Variants in GGA1 observed in about 807,000 individuals in gnomAD.
GGA1 encodes ADP-ribosylation factor-binding protein GGA1.
In GGA1, 18 loss-of-function variants were observed where a neutral mutation model predicts 76.9. The observed-to-expected ratio is 0.23, with a 90% CI of 0.16 to 0.35. The LOEUF (loss-of-function observed/expected upper bound fraction) is 0.35. GGA1 is among the 10% of genes least tolerant of loss of function. The pLI, the probability that GGA1 is intolerant of heterozygous loss-of-function variation, is 1.00. For synonymous variants in GGA1, 342 were observed against 354.7 expected, an observed-to-expected ratio of 0.96 and a Z score of 0.40; for missense variants, 755 against 859.0, an observed-to-expected ratio of 0.88 and a Z score of 1.51.
At chr22:37,615,163 A>T (rs1928524480) in intron 2 of GGA1, among the ~76,000 whole-genome samples, 2 of 148,808 alleles carry the variant, frequency 1.3e-5, no homozygotes, top group African/African-American at 5.0e-5. Context: ...ATAAAAAAAT[A>T]GGCCAGGCAT....
At position 37,624,999 on chromosome 22, in the gene GGA1, C is replaced by T; in HGVS notation, c.863C>T (p.Thr288Ile). ...AEILQANDNLTQVINLYKQLV... is the reference protein window; with the variant it reads ...AEILQANDNLIQVINLYKQLV... The stretch of plus-strand genomic sequence containing the variant: ...ATCCTGCAGGCCAATGACAACCTCA[C>T]CCAGGTGATCAACCTGTATAAGCAG... Residue 288 changes from threonine to isoleucine, a missense_variant, in exon 10 of 17, where the codon ACC (threonine) becomes ATC (isoleucine). By Grantham distance (89) the Thr-to-Ile change is moderately conservative. Transcript: ENST00000343632. This position sits in a 1 kb window ranked among gnomAD's most constrained non-coding sequence, Gnocchi z 4.3. The T allele has an allele frequency of 6.3e-7, 1 of 1,597,762 alleles. No individual in the cohort carries two copies. Among genetic ancestry groups the T allele is most frequent in the South Asian group, 1.1e-5 (1 of 88,400 alleles).
At position 37,616,911 on chromosome 22, in the gene GGA1, C is replaced by T. The variant is rs753266291; in HGVS notation, c.129-11C>T. 2 of 1,598,378 alleles carry T rather than the reference C, an allele frequency of 1.3e-6. No individual in the cohort carries two copies. The highest frequency in any genetic ancestry group is 1.7e-6 in the Non-Finnish European group (2 of 1,173,300). On this transcript the variant is annotated splice_polypyrimidine_tract_variant and intron_variant, in intron 2 of 16. Coordinates refer to ENST00000343632, the MANE Select transcript of GGA1 (RefSeq NM_013365.5). ...TGGCGACTCTGGCTCTGTGTTGTTC[C>T]TCCCACCCAGGCCTCCACTCGCCAC... is the stretch of plus-strand genomic sequence containing the variant.
At chr22:37,609,056 C>T in intron 1 of GGA1, 153 bp downstream of exon 1, 4 of 1,488,494 alleles carry the variant, frequency 2.7e-6, no homozygotes, top group South Asian at 1.2e-5. Flanking sequence ...CCCCTCAGAC[C>T]CTGGAGCGAT....
At chr22:37,617,248 C>G (rs1280645397) in intron 3 of GGA1, 8 of 1,364,694 alleles carry the variant, frequency 5.9e-6, no homozygotes, top group Non-Finnish European at 6.6e-6. Context: ...TCCAGGGGTT[C>G]TTTGCTTCAG....
Position 37,624,794 on chromosome 22 carries a change from G to A in GGA1, c.833-175G>A. Reference sequence around the variant, plus strand: ...GGAGTGAATGAGGGAAGGGTGGGAGGTGAGACCAGGGAGGTGGCGGAGGGC... The same window carrying A: ...GGAGTGAATGAGGGAAGGGTGGGAGATGAGACCAGGGAGGTGGCGGAGGGC... On this transcript the variant is annotated intron_variant, in intron 9 of 16. Transcript: ENST00000343632. This position sits in a 1 kb window ranked among gnomAD's most constrained non-coding sequence, Gnocchi z 4.3. 3.7e-6 allele frequency: 3 copies of A among 816,212 alleles called. No individual in the cohort carries two copies. In the South Asian group the frequency reaches 5.1e-5, roughly 14 times the overall value. 50.6% of individuals were successfully genotyped at this position (816,212 alleles called of 1,614,324 possible).
At chr22:37,608,934 C>T in intron 1 of GGA1, 31 bp downstream of exon 1, 1 of 1,318,840 alleles carries the variant, frequency 7.6e-7, no homozygotes, top group Non-Finnish European at 9.7e-7. Flanking sequence ...CGGGCCGGAC[C>T]GGAACCGGAA....
intron 1 of GGA1, 124 bp downstream of exon 1, chr22:37,609,027 G>C: frequency 1.4e-6 from 2 of 1,399,606 alleles, no homozygotes; most frequent in Non-Finnish European, 1.9e-6. Context: ...GGCCCGGGAG[G>C]GGCGGTGTCC....
chr22:37,617,860 G>T, intron 3 of GGA1: 1 of 692,658 alleles, frequency 1.4e-6, no homozygotes, highest in Non-Finnish European at 1.8e-6. Context: ...GGTGGCTCAC[G>T]CCTGTAATCC....
chr22:37,612,015 A>G (rs3207107), intron 1 of GGA1, among the ~76,000 whole-genome samples: 16 of 151,864 alleles, frequency 1.1e-4, no homozygotes, highest in African/African-American at 2.4e-4. Flanking sequence ...TTAGCTGGGC[A>G]TGGTGGTGGA....
chr22:37,615,169 G>A (rs1285149665), intron 2 of GGA1, among the ~76,000 whole-genome samples: 1 of 152,110 alleles, frequency 6.6e-6, no homozygotes, highest in African/African-American at 2.4e-5. Flanking sequence ...AAATAGGCCA[G>A]GCATGGTGGC....
chr22:37,620,851 A>G lies in GGA1; in HGVS notation c.466A>G (p.Thr156Ala), dbSNP rs1356961974. 5 of 1,612,692 alleles carry G rather than the reference A, an allele frequency of 3.1e-6. No homozygotes were observed. The highest frequency in any genetic ancestry group is 3.3e-4 in the Middle Eastern group (2 of 6,054). Residue 156 changes from threonine to alanine, a missense_variant, in exon 6 of 17, where the codon ACC (threonine) becomes GCC (alanine). Transcript: ENST00000343632. ...CGACCCCAAGCTTCCAGATGACACT[A>G]CCTTTCCCCTTCCTCCTCCACGGCC... ...KSDPKLPDDT[T>A]FPLPPPRPKN... is the part of the protein sequence containing the mutation.
intron 3 of GGA1, chr22:37,617,429 CAGAGGAGAGAGGGGTGTA>C: frequency 9.5e-7 from 1 of 1,051,848 alleles, no homozygotes; most frequent in South Asian, 3.0e-5. Flanking sequence ...TGTTCAATAG[CAGAGGAGAGAGGGGTGTA>C]CTGTCTGTGG....
intron 11 of GGA1, among the ~76,000 whole-genome samples, chr22:37,627,894 G>A (rs1200268775): frequency 6.6e-6 from 1 of 152,214 alleles, no homozygotes; most frequent in Non-Finnish European, 1.5e-5. Context: ...CCTCAAGGAG[G>A]GTGTTCAGGC....
chr22:37,625,877 C>T lies in GGA1; in HGVS notation c.1021C>T (p.Pro341Ser). The T allele has an allele frequency of 6.2e-7, 1 of 1,611,724 alleles. No homozygotes were observed. Among genetic ancestry groups the T allele is most frequent in the Non-Finnish European group, 8.5e-7 (1 of 1,179,264 alleles). Residue 341 changes from proline (P) to serine (S), a missense_variant, in exon 11 of 17, where the codon CCT becomes TCT. Transcript: ENST00000343632. This position sits in a 1 kb window ranked among gnomAD's most constrained non-coding sequence, Gnocchi z 4.1. ...CACCTACCCAGCTATGCCCACCCGC[C>T]CTGGCGAGCAGGCCAGCCCTGAGCA... Reference protein sequence around the residue: ...GTTYPAMPTRPGEQASPEQPS... With the variant: ...GTTYPAMPTRSGEQASPEQPS...
intron 11 of GGA1, among the ~76,000 whole-genome samples, chr22:37,628,268 G>A (rs1157501784): frequency 1.3e-5 from 2 of 152,152 alleles, no homozygotes; most frequent in African/African-American, 2.4e-5. Flanking sequence ...TTATTCTTTA[G>A]GGGTAGAGTC....
At chr22:37,618,623 C>A in intron 4 of GGA1, 77 bp downstream of exon 4, 4 of 893,170 alleles carry the variant, frequency 4.5e-6, no homozygotes, top group Non-Finnish European at 5.5e-6. Context: ...GATTGTGGAG[C>A]GACTTTTCCA....
rs909729875 is a variant in GGA1, at chr22:37,629,648, G to T, written c.1158+122G>T. On this transcript the variant is annotated intron_variant, in intron 12 of 16. Transcript: ENST00000343632. Reference sequence around the variant, plus strand: ...CTACTCAAGAGCCCAGGGCCAGGGGGTGGCCCAGGGGCCTGGAGACACCCA... The same window carrying T: ...CTACTCAAGAGCCCAGGGCCAGGGGTTGGCCCAGGGGCCTGGAGACACCCA... 1.1e-5 allele frequency: 7 copies of T among 643,648 alleles called. No homozygotes were observed. The Admixed American group carries it at 1.8e-4, about 16-fold the overall frequency. The allele number at this position is 643,648 out of a possible 1,614,324, so 39.9% of individuals were successfully genotyped here.
intron 1 of GGA1, among the ~76,000 whole-genome samples, chr22:37,613,423 A>G (rs1292450996): frequency 6.6e-6 from 1 of 151,590 alleles, no homozygotes; most frequent in Non-Finnish European, 1.5e-5. Flanking sequence ...GGAGTCACCC[A>G]GAGTCCCAGC....
chr22:37,617,775 A>C, intron 3 of GGA1: 2 of 933,918 alleles, frequency 2.1e-6, no homozygotes, highest in Non-Finnish European at 2.6e-6. Context: ...GATTTCATAG[A>C]TGTAGCTTAG....
Sources: allele counts gnomAD v4.1 joint callset (sites outside exome capture counted in the v4.1 genomes callset), GRCh38; gene constraint gnomAD v4.1.1; non-coding constraint Gnocchi (gnomAD v3.1); transcripts MANE v1.5; gene names NCBI Gene and HGNC (gene_info 2026-07-23, HGNC 2026-07-21).